PRSS12: variants seen among roughly 807,000 people sequenced by gnomAD.
The protein encoded by PRSS12 is neurotrypsin.
Under a neutral mutation model 104.4 loss-of-function variants are expected in PRSS12, and 85 were observed. That is an observed-to-expected ratio of 0.81 (90% confidence interval 0.68 to 0.98). The LOEUF (loss-of-function observed/expected upper bound fraction) is 0.98. Ranked by LOEUF, PRSS12 falls within the 50% of genes least tolerant of loss-of-function variation. PRSS12 has a pLI of 0.00. For missense variants in PRSS12, 1,141 were observed against 1,139.2 expected (o/e 1.00, Z -0.02); for synonymous variants, 454 against 425.2 (o/e 1.07, Z -0.83).
Position 118,281,559 on chromosome 4 carries a change from ATGT to A in PRSS12, c.*374_*376del. 4.0e-5 allele frequency: 12 copies of A among 298,652 alleles called. No individual in the cohort carries two copies. The highest frequency in any genetic ancestry group is 8.1e-5 in the East Asian group (1 of 12,410). The allele number at this position is 298,652 out of a possible 1,614,324, so 18.5% of individuals were successfully genotyped here. On this transcript the variant is annotated 3_prime_UTR_variant, in exon 13 of 13. Transcript: ENST00000296498. Reference sequence around the variant, plus strand: ...GTAAAGGGTACCGCATTTATGTCAAATGTGGGTATTTAATATGATTTCAGACAC... The same window carrying A: ...GTAAAGGGTACCGCATTTATGTCAAAGGGTATTTAATATGATTTCAGACAC...
rs200610539 is a variant in PRSS12 at position 118,338,240 on chromosome 4, T to C, written c.577A>G (p.Thr193Ala). ...TCATCCCAGTGGCTGCTACAGACAG[T>C]GCCCCAAACTCCACTTGCATATACT... ...VEVYASGVWG[T>A]VCSSHWDDSD... The change falls in exon 2 of 13, where the codon ACT becomes GCT. Residue 193 changes from threonine to alanine, a missense_variant. Thr to Ala is a moderately conservative substitution (Grantham distance 58, BLOSUM62 0). Coordinates refer to ENST00000296498, the MANE Select transcript of PRSS12 (RefSeq NM_003619.4). 1.1e-5 allele frequency: 17 copies of C among 1,614,066 alleles called. No homozygotes were observed. Among genetic ancestry groups the C allele is most frequent in the East Asian group, 8.9e-5 (4 of 44,874 alleles).
chr4:118,348,228 A>G (rs1440098021), intron 1 of PRSS12, among the ~76,000 whole-genome samples: 1 of 152,228 alleles, frequency 6.6e-6, no homozygotes, highest in South Asian at 2.1e-4. Context: ...AAATAACCAT[A>G]TTCCAGTGAA....
At chr4:118,347,809 C>A (rs1724395438) in intron 1 of PRSS12, among the ~76,000 whole-genome samples, 1 of 152,270 alleles carries the variant, frequency 6.6e-6, no homozygotes, top group African/African-American at 2.4e-5. Flanking sequence ...TTGCCCCAGC[C>A]TCCTAAAGTG....
At position 118,331,826 on chromosome 4, in the gene PRSS12, ACTG is replaced by A. The variant is rs1457026707; in HGVS notation, c.858_860del (p.Ser287del). The A allele has an allele frequency of 6.2e-7, 1 of 1,614,072 alleles. No homozygotes were observed. The highest frequency in any genetic ancestry group is 8.5e-7 in the Non-Finnish European group (1 of 1,180,044). ...AGAGCTCCACCCGGCCTTCATGCAC[ACTG>A]CTGCCTCCAGCAAGGCGAATGATGG... On this transcript the variant is annotated inframe_deletion, in exon 4 of 13. Coordinates refer to ENST00000296498, the MANE Select transcript of PRSS12 (RefSeq NM_003619.4).
chr4:118,313,502 G>C (rs946122115), intron 6 of PRSS12, 105 bp from the exon 7 acceptor site: 1 of 1,212,098 alleles, frequency 8.3e-7, no homozygotes, highest in Non-Finnish European at 1.2e-6. Context: ...TGACTTCAGA[G>C]GATAAGTATC....
intron 8 of PRSS12, among the ~76,000 whole-genome samples, chr4:118,307,836 C>T (rs542078779): frequency 4.6e-5 from 7 of 151,918 alleles, no homozygotes; most frequent in Admixed American, 3.3e-4. Context: ...CACAGCACTT[C>T]GGTACTATAA....
intron 8 of PRSS12, among the ~76,000 whole-genome samples, chr4:118,307,433 G>C (rs887995555): frequency 2.6e-5 from 4 of 152,124 alleles, no homozygotes; most frequent in Admixed American, 2.6e-4. Flanking sequence ...AATGAACACA[G>C]ATATATAATT....
At chr4:118,288,739 A>G (rs1362145795) in intron 11 of PRSS12, among the ~76,000 whole-genome samples, 1 of 152,236 alleles carries the variant, frequency 6.6e-6, no homozygotes, top group Non-Finnish European at 1.5e-5. Context: ...AGGCAATTTC[A>G]TGGTACTTGT....
intron 7 of PRSS12, among the ~76,000 whole-genome samples, chr4:118,312,148 C>G (rs1743751439): frequency 6.6e-6 from 1 of 152,146 alleles, no homozygotes; most frequent in Non-Finnish European, 1.5e-5. Flanking sequence ...CAAGCTCTCA[C>G]AGTGTACAGT....
At chr4:118,344,036 A>G (rs1309920558) in intron 1 of PRSS12, among the ~76,000 whole-genome samples, 1 of 152,166 alleles carries the variant, frequency 6.6e-6, no homozygotes, top group Non-Finnish European at 1.5e-5. Flanking sequence ...AGTCATTTCT[A>G]TTGTTCTAGT....
chr4:118,290,465 T>G (rs1004052421), intron 11 of PRSS12, among the ~76,000 whole-genome samples: 3 of 152,178 alleles, frequency 2.0e-5, no homozygotes, highest in African/African-American at 4.8e-5. Flanking sequence ...ATTTTATACC[T>G]TATTCTTCTC....
intron 4 of PRSS12, among the ~76,000 whole-genome samples, chr4:118,319,095 T>C (rs1295108608): frequency 6.6e-6 from 1 of 152,186 alleles, no homozygotes; most frequent in Non-Finnish European, 1.5e-5. Context: ...AGTCTCACTC[T>C]GTCACCCAGG....
At position 118,342,053 on chromosome 4, in the gene PRSS12, C is replaced by T. The variant is rs146558558; in HGVS notation, c.503-3739G>A. ...AGGAGAGAAGTGGCTTTCTGGTGCT[C>T]CTATAGTTGACGCAAATCCTCCAGT... On this transcript the variant is annotated intron_variant, in intron 1 of 12. Coordinates refer to ENST00000296498, the MANE Select transcript of PRSS12 (RefSeq NM_003619.4). Among the ~76,000 whole-genome samples, 6 of 152,254 alleles carry T rather than the reference C, an allele frequency of 3.9e-5. No individual in the cohort carries two copies. The East Asian group carries it at 9.7e-4, about 25-fold the overall frequency.
rs764151006 is a variant in PRSS12, at chr4:118,313,268, G to T, written c.1422C>A (p.Asp474Glu). 4 of 1,614,000 alleles carry T rather than the reference G, an allele frequency of 2.5e-6. No homozygotes were observed. In the African/African-American group the frequency reaches 5.3e-5, roughly 22 times the overall value. The change falls in exon 7 of 13, where the codon GAC becomes GAA. Residue 474 changes from aspartate (D) to glutamate (E), a missense_variant. Coordinates refer to ENST00000296498, the MANE Select transcript of PRSS12 (RefSeq NM_003619.4). ...TGCTAACATCTTCGCGGTGGCTGCA[G>T]TCATGCCTTCCCCACTGTCGCCTGG... ...QCSRRQWGRH[D>E]CSHREDVSIA...
chr4:118,345,967 C>T (rs1724344183), intron 1 of PRSS12, among the ~76,000 whole-genome samples: 1 of 152,146 alleles, frequency 6.6e-6, no homozygotes, highest in Admixed American at 6.5e-5. Flanking sequence ...ACATTTCTTT[C>T]CAAAGAGTGT....
chr4:118,325,428 A>C (rs1723747061), intron 4 of PRSS12, among the ~76,000 whole-genome samples: 1 of 152,082 alleles, frequency 6.6e-6, no homozygotes, highest in African/African-American at 2.4e-5. Flanking sequence ...AACTAATCAG[A>C]ATAACCAGCA....
intron 1 of PRSS12, among the ~76,000 whole-genome samples, chr4:118,340,102 AT>A: frequency 6.6e-6 from 1 of 152,236 alleles, no homozygotes; most frequent in East Asian, 1.9e-4. Context: ...AATCTAAATG[AT>A]TGAGGCACTT....
intron 9 of PRSS12, 141 bp downstream of exon 9, chr4:118,298,592 A>C: frequency 4.4e-6 from 4 of 915,048 alleles, no homozygotes; most frequent in Non-Finnish European, 5.2e-6. Context: ...GCCAAGAACT[A>C]CCGGATCTAA....
intron 11 of PRSS12, among the ~76,000 whole-genome samples, chr4:118,292,843 C>T (rs1459952615): frequency 6.6e-6 from 1 of 151,786 alleles, no homozygotes; most frequent in African/African-American, 2.4e-5. Context: ...GGTAAAACCC[C>T]GTCTCTATTA....
Sources: gnomAD v4.1 joint callset for allele counts (sites outside exome capture counted in the v4.1 genomes callset) on GRCh38, gnomAD v4.1.1 for gene constraint, MANE v1.5 for transcripts, NCBI Gene and HGNC (gene_info 2026-07-23, HGNC 2026-07-21) for gene names.